The following LRBA variants were observed in gnomAD, a reference collection of about 807,000 sequenced individuals.
LRBA encodes LPS responsive beige-like anchor protein.
A neutral mutation model predicts 330.0 loss-of-function variants in LRBA; 176 were observed. The ratio of observed to expected loss-of-function variants is 0.53; its 90% CI spans 0.47 to 0.60. The LOEUF is 0.60. Ranked by LOEUF, LRBA falls within the 20% of genes least tolerant of loss-of-function variation. LRBA has a pLI of 0.00. For synonymous variants in LRBA, 1,230 were observed against 1,193.0 expected, an observed-to-expected ratio of 1.03 and a Z score of -0.64; for missense variants, 3,259 against 3,444.8, an observed-to-expected ratio of 0.95 and a Z score of 1.35.
intron 53 of LRBA, among the ~76,000 whole-genome samples, chr4:150,286,831 A>C (rs754342733): frequency 9.2e-5 from 14 of 152,206 alleles, no homozygotes; most frequent in Non-Finnish European, 1.8e-4. Context: ...TTGGTTGGTT[A>C]ATAAGGAACC....
At chr4:150,637,838 C>T (rs1451844923) in intron 37 of LRBA, among the ~76,000 whole-genome samples, 8 of 152,120 alleles carry the variant, frequency 5.3e-5, no homozygotes, top group Non-Finnish European at 1.2e-4. Flanking sequence ...TGACCCATTG[C>T]ACTATGAAAT....
At chr4:150,941,790 G>A (rs1189973053) in intron 2 of LRBA, among the ~76,000 whole-genome samples, 1 of 151,946 alleles carries the variant, frequency 6.6e-6, no homozygotes, top group Non-Finnish European at 1.5e-5. Flanking sequence ...CAGAAACTGA[G>A]GCAGGAGAAT....
intron 44 of LRBA, among the ~76,000 whole-genome samples, chr4:150,462,858 A>G (rs537274253): frequency 2.4e-4 from 37 of 152,006 alleles, no homozygotes; most frequent in Non-Finnish European, 4.9e-4. Flanking sequence ...AATGTATACT[A>G]TGGGACAAAT....
intron 37 of LRBA, among the ~76,000 whole-genome samples, chr4:150,652,501 G>C (rs1351123339): frequency 6.6e-6 from 1 of 151,852 alleles, no homozygotes; most frequent in Admixed American, 6.6e-5. Context: ...CTGGTTATTA[G>C]ATTTAAAACA....
intron 33 of LRBA, among the ~76,000 whole-genome samples, chr4:150,803,073 A>T (rs28531398): frequency 0.02 from 681 of 33,668 alleles, 5 homozygotes; most frequent in South Asian, 0.036. Flanking sequence ...AAACAAAAAA[A>T]AAATATATAT....
chr4:150,759,672 C>CT (rs146516109), intron 35 of LRBA, among the ~76,000 whole-genome samples: 42 of 149,156 alleles, frequency 2.8e-4, no homozygotes, highest in South Asian at 1.9e-3. Context: ...ATATAACTTA[C>CT]TTTTTTTTTT....
intron 36 of LRBA, among the ~76,000 whole-genome samples, chr4:150,708,918 T>C (rs559424118): frequency 6.6e-6 from 1 of 151,954 alleles, no homozygotes; most frequent in South Asian, 2.1e-4. Context: ...CTTTCAGTCA[T>C]AATCCCTTTC....
At chr4:150,365,478 T>C (rs952795835) in intron 47 of LRBA, among the ~76,000 whole-genome samples, 1 of 152,156 alleles carries the variant, frequency 6.6e-6, no homozygotes, top group African/African-American at 2.4e-5. Flanking sequence ...TAAACGTCCA[T>C]GACATTAGCA....
intron 47 of LRBA, among the ~76,000 whole-genome samples, chr4:150,357,452 C>CA (rs1738017397): frequency 6.6e-6 from 1 of 151,964 alleles, no homozygotes; most frequent in African/African-American, 2.4e-5. Flanking sequence ...CCTTCCTTTA[C>CA]AGAGAGATGA....
At chr4:150,922,416 A>ATATATG (rs1733396881) in intron 4 of LRBA, among the ~76,000 whole-genome samples, 1 of 148,488 alleles carries the variant, frequency 6.7e-6, no homozygotes, top group Non-Finnish European at 1.5e-5. Flanking sequence ...ATATATATAT[A>ATATATG]TGATGGAATA....
intron 47 of LRBA, among the ~76,000 whole-genome samples, chr4:150,365,103 G>A (rs1739269531): frequency 6.6e-6 from 1 of 151,966 alleles, no homozygotes; most frequent in South Asian, 2.1e-4. Flanking sequence ...TCGACCTCCT[G>A]AGCTCAAGTG....
intron 9 of LRBA, among the ~76,000 whole-genome samples, chr4:150,913,670 T>C (rs143016253): frequency 1.3e-3 from 196 of 152,360 alleles, no homozygotes; most frequent in African/African-American, 4.4e-3. Flanking sequence ...CTACTTCTTT[T>C]AATTCTATCA....
At chr4:150,749,276 T>A (rs946620538) in intron 35 of LRBA, among the ~76,000 whole-genome samples, 1 of 151,756 alleles carries the variant, frequency 6.6e-6, no homozygotes, top group African/African-American at 2.4e-5. Context: ...CTGGACTACA[T>A]CAAAACTTCT....
chr4:150,319,022 AT>A (rs1469049518), intron 50 of LRBA, among the ~76,000 whole-genome samples: 1 of 152,160 alleles, frequency 6.6e-6, no homozygotes, highest in Non-Finnish European at 1.5e-5. Flanking sequence ...ACCACTAGGT[AT>A]TAAGGGAAGC....
At chr4:150,399,044 A>G (rs1745129337) in intron 47 of LRBA, among the ~76,000 whole-genome samples, 1 of 152,190 alleles carries the variant, frequency 6.6e-6, no homozygotes, top group Non-Finnish European at 1.5e-5. Flanking sequence ...AATTCTTGCA[A>G]TTTAATTTTA....
chr4:150,802,577 A>C (rs1024171284), intron 33 of LRBA, among the ~76,000 whole-genome samples: 2 of 152,192 alleles, frequency 1.3e-5, no homozygotes, highest in Admixed American at 6.5e-5. Context: ...TAGAAAAATT[A>C]ATCCTTACAA....
In LRBA at chr4:150,435,651, G is replaced by C; in HGVS notation, c.6979C>G (p.Arg2327Gly). The C allele has an allele frequency of 6.2e-7, 1 of 1,612,142 alleles. No homozygotes were observed. Among genetic ancestry groups the C allele is most frequent in the South Asian group, 1.1e-5 (1 of 90,856 alleles). ...GCTCTGGAAATTGATGAAAAAGTTC[G>C]ATCTGCATGATCAAATTTGCCTCCT... ...LQGGKFDHAD[R>G]TFSSISRAWR... The change falls in exon 46 of 57, where the codon CGA (arginine) becomes GGA (glycine). Residue 2327 changes from arginine (R) to glycine (G), a missense_variant. By Grantham distance (125) the Arg-to-Gly change is moderately radical. Coordinates refer to ENST00000651943, the MANE Select transcript of LRBA (RefSeq NM_001364905.1).
At chr4:150,893,850 T>C (rs916079179) in intron 16 of LRBA, among the ~76,000 whole-genome samples, 1 of 152,050 alleles carries the variant, frequency 6.6e-6, no homozygotes, top group South Asian at 2.1e-4. Flanking sequence ...TAATTTTTTG[T>C]ATTTTTATTA....
At chr4:150,616,191 A>G (rs949972151) in intron 37 of LRBA, among the ~76,000 whole-genome samples, 1 of 152,202 alleles carries the variant, frequency 6.6e-6, no homozygotes. Flanking sequence ...AGGATATATA[A>G]TTCGAGAGAC....
Sources: allele counts gnomAD v4.1 joint callset (sites outside exome capture counted in the v4.1 genomes callset), GRCh38; gene constraint gnomAD v4.1.1; transcripts MANE v1.5; gene names NCBI Gene and HGNC (gene_info 2026-07-23, HGNC 2026-07-21).